The following KPNA1 variants were observed in gnomAD, a reference collection of about 807,000 sequenced individuals.
The protein encoded by KPNA1 is importin subunit alpha-5.
A neutral mutation model predicts 70.5 loss-of-function variants in KPNA1; 10 were observed. The observed-to-expected ratio is 0.14, with a 90% CI of 0.09 to 0.24. The LOEUF (loss-of-function observed/expected upper bound fraction) is 0.24. Among genes scored for constraint, KPNA1 ranks in the 10% least tolerant of loss-of-function variants. The pLI is 1.00. For missense variants in KPNA1, 397 were observed against 637.9 expected (o/e 0.62, Z 4.07); for synonymous variants, 192 against 221.9 (o/e 0.87, Z 1.20).
chr3:122,447,553 C>T (rs1366787618), intron 9 of KPNA1, among the ~76,000 whole-genome samples: 1 of 152,134 alleles, frequency 6.6e-6, no homozygotes, highest in South Asian at 2.1e-4. Flanking sequence ...ATGACTAACC[C>T]ACAGCCAATA....
chr3:122,448,404 T>C (rs2076164141), intron 9 of KPNA1, among the ~76,000 whole-genome samples: 1 of 152,170 alleles, frequency 6.6e-6, no homozygotes, highest in African/African-American at 2.4e-5. Flanking sequence ...CACGGAATAC[T>C]ATGCAGCCAT....
chr3:122,427,804 G>A, intron 12 of KPNA1, 88 bp from the exon 13 acceptor site: 1 of 787,942 alleles, frequency 1.3e-6, no homozygotes, highest in Non-Finnish European at 1.9e-6. Flanking sequence ...CAACTTCACT[G>A]CAGAGACTTA....
At position 122,514,925 on chromosome 3, in the gene KPNA1, C is replaced by A. The variant is rs1445781435; in HGVS notation, c.-174G>T. The A allele has an allele frequency of 6.6e-6, 1 of 152,296 alleles. No individual in the cohort carries two copies. The highest frequency in any genetic ancestry group is 1.5e-5 in the Non-Finnish European group (1 of 68,080). The allele number at this position is 152,296 out of a possible 1,614,324, so 9.4% of individuals were successfully genotyped here. On this transcript the variant is annotated 5_prime_UTR_variant, in exon 1 of 14. Coordinates refer to ENST00000344337, the MANE Select transcript of KPNA1 (RefSeq NM_002264.4). The stretch of plus-strand genomic sequence containing the variant: ...ACCGAGCAGCGAGACTCAGCTCAGC[C>A]GGCGTTCGCAGTGCGCCTGCGTGCG...
chr3:122,439,150 A>T (rs1348354092), intron 10 of KPNA1, among the ~76,000 whole-genome samples: 1 of 152,192 alleles, frequency 6.6e-6, no homozygotes, highest in Non-Finnish European at 1.5e-5. Context: ...TGCAGAGACA[A>T]GCTATTACAA....
intron 5 of KPNA1, among the ~76,000 whole-genome samples, chr3:122,457,299 T>C (rs1163725383): frequency 6.6e-6 from 1 of 152,060 alleles, no homozygotes; most frequent in Admixed American, 6.6e-5. Flanking sequence ...AAGCCTAGAA[T>C]TGATGGCAAA....
At chr3:122,466,224 T>G (rs1386042100) in intron 3 of KPNA1, among the ~76,000 whole-genome samples, 1 of 150,552 alleles carries the variant, frequency 6.6e-6, no homozygotes, top group African/African-American at 2.4e-5. Flanking sequence ...CAAAATACTA[T>G]GAATAGTATG....
In KPNA1 at chr3:122,461,373, C is replaced by T. The variant is rs908880653; in HGVS notation, c.338-55G>A. ...AAATCCTTTGATTTCAATGCAAGAA[C>T]TTAACAGCTCAAAACTTCTTAACAT... On this transcript the variant is annotated intron_variant, in intron 4 of 13. Transcript: ENST00000344337. 2.5e-5 allele frequency: 30 copies of T among 1,194,414 alleles called. No homozygotes were observed. The African/African-American group carries it at 3.2e-4, about 13-fold the overall frequency. 74.0% of individuals were successfully genotyped at this position (1,194,414 alleles called of 1,614,324 possible). A position where few individuals can be genotyped will look rare whatever the true frequency, so the allele number is the denominator to read the frequency against.
chr3:122,453,475 G>A (rs2076233279), intron 6 of KPNA1, among the ~76,000 whole-genome samples: 1 of 152,158 alleles, frequency 6.6e-6, no homozygotes, highest in East Asian at 1.9e-4. Flanking sequence ...AAGCCAACTG[G>A]TGAAACTCAG....
rs2075827527 is a variant in KPNA1, at chr3:122,426,678, G to A, written c.*307C>T. The A allele has an allele frequency of 4.1e-6, 1 of 241,306 alleles. No homozygotes were observed. The highest frequency in any genetic ancestry group is 2.2e-5 in the African/African-American group (1 of 44,768). 14.9% of individuals were successfully genotyped at this position (241,306 alleles called of 1,614,324 possible). A position where few individuals can be genotyped will look rare whatever the true frequency, so the allele number is the denominator to read the frequency against. The stretch of plus-strand genomic sequence containing the variant: ...CTTTTATTCCCCCACAAGAAAAAGG[G>A]AGCCACATTAATATGTGTATATTCC... On this transcript the variant is annotated 3_prime_UTR_variant, in exon 14 of 14. Transcript: ENST00000344337.
In KPNA1 at chr3:122,458,593, T is replaced by C. The variant is rs889967398; in HGVS notation, c.432+2631A>G. Among the ~76,000 whole-genome samples, 7 of 152,226 alleles carry C rather than the reference T, an allele frequency of 4.6e-5. No individual in the cohort carries two copies. In the South Asian group the frequency reaches 6.2e-4, roughly 14 times the overall value. On this transcript the variant is annotated intron_variant, in intron 5 of 13. Coordinates refer to ENST00000344337, the MANE Select transcript of KPNA1 (RefSeq NM_002264.4). ...CATCAAATTTCCTCTTGGCACCACA[T>C]AGCATGACTCTCCTTCTGGAAGAGA...
At chr3:122,427,973 ATACT>A (rs1481858486) in intron 12 of KPNA1, among the ~76,000 whole-genome samples, 1 of 152,182 alleles carries the variant, frequency 6.6e-6, no homozygotes, top group Non-Finnish European at 1.5e-5. Flanking sequence ...AAAAACAGGA[ATACT>A]TACTTATTAA....
Position 122,464,881 on chromosome 3 carries a change from C to T in KPNA1, c.238-840G>A, listed in dbSNP as rs74670375. 4.2e-3 allele frequency among the ~76,000 whole-genome samples: 643 copies of T among 152,174 alleles called. 3 individuals carry two copies. Among genetic ancestry groups the T allele is most frequent in the Middle Eastern group, 0.017 (5 of 294 alleles). The stretch of plus-strand genomic sequence containing the variant: ...AATGCTAGATGACTGGTAAGCAATA[C>T]CTAAGAATCCTCATAGGGGAATATA... On this transcript the variant is annotated intron_variant, in intron 3 of 13. Coordinates refer to ENST00000344337, the MANE Select transcript of KPNA1 (RefSeq NM_002264.4).
intron 5 of KPNA1, among the ~76,000 whole-genome samples, chr3:122,456,809 T>G (rs2076269637): frequency 6.6e-6 from 1 of 152,182 alleles, no homozygotes; most frequent in Non-Finnish European, 1.5e-5. Context: ...AAAAACAGTT[T>G]TGCTATTATT....
At chr3:122,469,893 A>G (rs1241390079) in intron 2 of KPNA1, among the ~76,000 whole-genome samples, 1 of 152,226 alleles carries the variant, frequency 6.6e-6, no homozygotes, top group Non-Finnish European at 1.5e-5. Context: ...AAAACCACCA[A>G]CCTAGAAACT....
rs1314145230 is a variant in KPNA1 at position 122,422,618 on chromosome 3, C to T, written c.*4367G>A. On this transcript the variant is annotated 3_prime_UTR_variant, in exon 14 of 14. Coordinates refer to ENST00000344337, the MANE Select transcript of KPNA1 (RefSeq NM_002264.4). ...GGAACTACTGCGTGGCCACTGCTTT[C>T]TTCAAGACACAGAATTTGCAGGGCT... The T allele has an allele frequency of 6.6e-6, 1 of 152,230 alleles. No individual in the cohort carries two copies. Among genetic ancestry groups the T allele is most frequent in the Non-Finnish European group, 1.5e-5 (1 of 68,046 alleles). The allele number at this position is 152,230 out of a possible 1,614,324, so 9.4% of individuals were successfully genotyped here.
At chr3:122,490,034 G>C (rs2076679673) in intron 2 of KPNA1, among the ~76,000 whole-genome samples, 1 of 152,218 alleles carries the variant, frequency 6.6e-6, no homozygotes, top group Non-Finnish European at 1.5e-5. Flanking sequence ...TTCCAGCCCT[G>C]TGTAAGTACC....
At chr3:122,431,713 C>T (rs752610828) in intron 12 of KPNA1, among the ~76,000 whole-genome samples, 4 of 152,022 alleles carry the variant, frequency 2.6e-5, no homozygotes, top group Non-Finnish European at 2.9e-5. Flanking sequence ...AGCAATTCTG[C>T]GCTTCTCTAA....
chr3:122,464,796 T>C (rs896545181), intron 3 of KPNA1, among the ~76,000 whole-genome samples: 13 of 152,306 alleles, frequency 8.5e-5, no homozygotes, highest in African/African-American at 3.1e-4. Flanking sequence ...ACAAAGTTCT[T>C]ATTTCATGAA....
chr3:122,435,512 AT>A (rs750220130), intron 11 of KPNA1, among the ~76,000 whole-genome samples: 1 of 152,248 alleles, frequency 6.6e-6, no homozygotes, highest in Non-Finnish European at 1.5e-5. Context: ...GTTAAAGCCA[AT>A]CGTGCTCAGC....
Sources: gnomAD v4.1 joint callset for allele counts (sites outside exome capture counted in the v4.1 genomes callset) on GRCh38, gnomAD v4.1.1 for gene constraint, MANE v1.5 for transcripts, NCBI Gene and HGNC (gene_info 2026-07-23, HGNC 2026-07-21) for gene names.